Variants in STAT4 observed in about 807,000 individuals in gnomAD.
The protein encoded by STAT4 is signal transducer and activator of transcription 4.
In STAT4, 42 loss-of-function variants were observed where a neutral mutation model predicts 110.5. The ratio of observed to expected loss-of-function variants is 0.38; its 90% confidence interval spans 0.30 to 0.49. The LOEUF (loss-of-function observed/expected upper bound fraction) is 0.49, where lower values mean the gene tolerates loss of function less well. STAT4 is among the 20% of genes least tolerant of loss of function. The probability of loss-of-function intolerance (pLI) is 0.95; values close to 1 mark genes in which losing one functional copy is unlikely to be tolerated. For missense variants in STAT4, 632 were observed against 887.9 expected (o/e 0.71, Z 3.66); for synonymous variants, 284 against 302.2 (o/e 0.94, Z 0.63).
intron 3 of STAT4, among the ~76,000 whole-genome samples, chr2:191,103,164 T>A (rs141790672): frequency 2.4e-3 from 361 of 152,320 alleles, no homozygotes; most frequent in African/African-American, 8.1e-3. Context: ...TAGATCATTT[T>A]CAGAAGTATG....
At position 191,141,823 on chromosome 2, in the gene STAT4, G is replaced by GTTTTGCCA. The variant is rs542486096; in HGVS notation, c.273+4782_273+4789dup. 2.5e-3 allele frequency among the ~76,000 whole-genome samples: 378 copies of GTTTTGCCA among 152,050 alleles called. 1 individual carries two copies. The highest frequency in any genetic ancestry group is 8.5e-3 in the African/African-American group (354 of 41,486). On this transcript the variant is annotated intron_variant, in intron 3 of 23. Coordinates refer to ENST00000392320, the MANE Select transcript of STAT4 (RefSeq NM_003151.4). The stretch of plus-strand genomic sequence containing the variant: ...TTTTTGTATTGTTAGTAGAGACAGG[G>GTTTTGCCA]TTTTGCCATGATGGCCAGGCTGGTC...
chr2:191,063,409 C>T (rs2125233699), intron 8 of STAT4, among the ~76,000 whole-genome samples: 1 of 152,308 alleles, frequency 6.6e-6, no homozygotes, highest in African/African-American at 2.4e-5. Flanking sequence ...AAGTACTAGC[C>T]AAAAGTGATC....
chr2:191,109,136 T>C (rs1464622239), intron 3 of STAT4, among the ~76,000 whole-genome samples: 1 of 152,216 alleles, frequency 6.6e-6, no homozygotes, highest in African/African-American at 2.4e-5. Flanking sequence ...TGATTTCCTG[T>C]GGGTCGCAGG....
At chr2:191,096,518 C>A (rs912531311) in intron 3 of STAT4, among the ~76,000 whole-genome samples, 2 of 152,130 alleles carry the variant, frequency 1.3e-5, no homozygotes, top group Non-Finnish European at 2.9e-5. Context: ...GTGACAAAAA[C>A]CACATGATTA....
chr2:191,118,199 T>C (rs556680087), intron 3 of STAT4, among the ~76,000 whole-genome samples: 5 of 152,326 alleles, frequency 3.3e-5, no homozygotes, highest in Admixed American at 2.6e-4. Context: ...CCCTTTGACA[T>C]AGCAATTTCA....
At chr2:191,034,953 G>A (rs1401902702) in intron 17 of STAT4, among the ~76,000 whole-genome samples, 9 of 152,180 alleles carry the variant, frequency 5.9e-5, no homozygotes, top group Admixed American at 6.5e-5. Flanking sequence ...GAAGGCTCAC[G>A]TTGGAGACAG....
rs1176243205 is a variant in STAT4, at chr2:191,148,372, G to A, written c.-1-168C>T. ...TCATAATTCAACCCTAATGAAGGGA[G>A]CAGCCTTCTTTCTGTGCCCCTAAAC... On this transcript the variant is annotated intron_variant, in intron 1 of 23. Coordinates refer to ENST00000392320, the MANE Select transcript of STAT4 (RefSeq NM_003151.4). Among the ~76,000 whole-genome samples the A allele has an allele frequency of 2.0e-5, 3 of 151,956 alleles. No homozygotes were observed. In the East Asian group the frequency reaches 5.8e-4, roughly 29 times the overall value.
rs762567169 is a variant in STAT4, at chr2:191,054,552, A to G, written c.1207-18T>C. On this transcript the variant is annotated intron_variant, in intron 13 of 23. Transcript: ENST00000392320. ...TTTGGTTGCTTTGTAAAAGAAAACA[A>G]CAATATTTAGATGGAAAAGCATTAT... is the stretch of plus-strand genomic sequence containing the variant. 14 of 1,610,400 alleles carry G rather than the reference A, an allele frequency of 8.7e-6. No homozygotes were observed. The South Asian group carries it at 1.3e-4, about 15-fold the overall frequency.
rs887408175 is a variant in STAT4, at chr2:191,059,262, CA to C, written c.1035-494del. Among the ~76,000 whole-genome samples, 8 of 152,082 alleles carry C rather than the reference CA, an allele frequency of 5.3e-5. No individual in the cohort carries two copies. The highest frequency in any genetic ancestry group is 1.0e-4 in the Non-Finnish European group (7 of 68,008). ...AACTTGAATACATTTGAAACACTTTCAAAACACTATATTTAAGTAACAGCAA... is the reference window on the plus strand; with the variant it reads ...AACTTGAATACATTTGAAACACTTTCAAACACTATATTTAAGTAACAGCAA... On this transcript the variant is annotated intron_variant, in intron 10 of 23. Transcript: ENST00000392320. The surrounding 1 kb of genome is among the most constrained non-coding windows in gnomAD (Gnocchi z 4.7).
At chr2:191,098,839 C>T (rs1698079186) in intron 3 of STAT4, among the ~76,000 whole-genome samples, 2 of 151,584 alleles carry the variant, frequency 1.3e-5, no homozygotes, top group Admixed American at 1.3e-4. Context: ...GGATAGAATC[C>T]CTAGAAACTA....
At chr2:191,095,060 T>C (rs1045694670) in intron 3 of STAT4, among the ~76,000 whole-genome samples, 4 of 152,050 alleles carry the variant, frequency 2.6e-5, no homozygotes, top group African/African-American at 9.7e-5. Flanking sequence ...CTAACTATCC[T>C]AAACATATAT....
chr2:191,032,110 A>G lies in STAT4; in HGVS notation c.2045-594T>C, dbSNP rs1424010247. On this transcript the variant is annotated intron_variant, in intron 21 of 23. Transcript: ENST00000392320. This position sits in a 1 kb window ranked among gnomAD's most constrained non-coding sequence, Gnocchi z 4.9. Reference sequence around the variant, plus strand: ...TATTTCATTTTTATCAGTTGTTGAAAGTCACTGAAAAGCCACAGGTTTGTT... The same window carrying G: ...TATTTCATTTTTATCAGTTGTTGAAGGTCACTGAAAAGCCACAGGTTTGTT... 1 of 152,238 alleles carries G rather than the reference A, an allele frequency of 6.6e-6. No individual in the cohort carries two copies. Among genetic ancestry groups the G allele is most frequent in the East Asian group, 1.9e-4 (1 of 5,200 alleles). The allele number at this position is 152,238 out of a possible 1,614,324, so 9.4% of individuals were successfully genotyped here.
chr2:191,047,299 TC>T (rs1174114721), intron 14 of STAT4, among the ~76,000 whole-genome samples: 1 of 152,198 alleles, frequency 6.6e-6, no homozygotes, highest in Non-Finnish European at 1.5e-5. Flanking sequence ...AGTGAAATGT[TC>T]CCCTGAGTTT....
At chr2:191,064,067 A>G (rs1293112807) in intron 8 of STAT4, among the ~76,000 whole-genome samples, 1 of 152,234 alleles carries the variant, frequency 6.6e-6, no homozygotes, top group African/African-American at 2.4e-5. Flanking sequence ...AATGCAAAGG[A>G]TAGTATCTAC....
At position 191,058,142 on chromosome 2, in the gene STAT4, T is replaced by A. The variant is rs750281191; in HGVS notation, c.1113-31A>T. 6.2e-7 allele frequency: 1 copy of A among 1,612,366 alleles called. No individual in the cohort carries two copies. The highest frequency in any genetic ancestry group is 1.1e-5 in the South Asian group (1 of 91,046). On this transcript the variant is annotated intron_variant, in intron 12 of 23. Coordinates refer to ENST00000392320, the MANE Select transcript of STAT4 (RefSeq NM_003151.4). This position sits in a 1 kb window ranked among gnomAD's most constrained non-coding sequence, Gnocchi z 4.3. Reference sequence around the variant, plus strand: ...GAGGAAATCTTAGCTATTTACATGGTCTCAGGTAAAATAAATTTACAAGAG... The same window carrying A: ...GAGGAAATCTTAGCTATTTACATGGACTCAGGTAAAATAAATTTACAAGAG...
rs1696254284 is a variant in STAT4, at chr2:191,043,082, T to C, written c.1252-1934A>G. Among the ~76,000 whole-genome samples the C allele has an allele frequency of 6.6e-6, 1 of 152,226 alleles. No homozygotes were observed. The highest frequency in any genetic ancestry group is 2.1e-4 in the South Asian group (1 of 4,836). ...GCGTGAGCCACTGCGCCCGGCCGTA[T>C]TCTCTATTCCTGTATATATTTGAAA... On this transcript the variant is annotated intron_variant, in intron 14 of 23. Transcript: ENST00000392320. This position sits in a 1 kb window ranked among gnomAD's most constrained non-coding sequence, Gnocchi z 4.8.
At chr2:191,094,061 C>A (rs1169410315) in intron 3 of STAT4, among the ~76,000 whole-genome samples, 1 of 152,100 alleles carries the variant, frequency 6.6e-6, no homozygotes, top group Non-Finnish European at 1.5e-5. Flanking sequence ...AAGAAAAGAA[C>A]AAAGCCTCCA....
intron 13 of STAT4, among the ~76,000 whole-genome samples, chr2:191,055,365 A>ATTTTTT (rs371295889): frequency 2.1e-5 from 2 of 96,956 alleles, no homozygotes; most frequent in African/African-American, 8.1e-5. Context: ...AGCCTGGCTA[A>ATTTTTT]TTTTTTTTTT....
chr2:191,135,356 G>A lies in STAT4; in HGVS notation c.273+11257C>T, dbSNP rs6434441. On this transcript the variant is annotated intron_variant, in intron 3 of 23. Transcript: ENST00000392320. The surrounding 1 kb of genome is among the most constrained non-coding windows in gnomAD (Gnocchi z 4.8). ...CTAGCAAGATTGAATCAGGAAAAAA[G>A]CCCAAAAAGACCTGAACAGACTAAT... 0.63 allele frequency among the ~76,000 whole-genome samples: 95,064 copies of A among 152,020 alleles called. 29,958 individuals carry two copies. The highest frequency in any genetic ancestry group is 0.68 in the Admixed American group (10,372 of 15,290).
Sources: gnomAD v4.1 joint callset for allele counts (sites outside exome capture counted in the v4.1 genomes callset) on GRCh38, gnomAD v4.1.1 for gene constraint, Gnocchi (gnomAD v3.1) non-coding constraint, MANE v1.5 for transcripts, NCBI Gene and HGNC (gene_info 2026-07-23, HGNC 2026-07-21) for gene names.